The following B3GALT1 variants were observed in gnomAD, a reference collection of about 807,000 sequenced individuals.
The protein encoded by B3GALT1 is UDP-Gal:betaGlcNAc beta 1,3-galactosyltransferase, polypeptide 1.
Under a neutral mutation model 23.2 loss-of-function variants are expected in B3GALT1, and 10 were observed. The observed-to-expected ratio is 0.43, with a 90% CI of 0.27 to 0.73. The LOEUF is 0.73. Ranked by LOEUF, B3GALT1 falls within the 30% of genes least tolerant of loss-of-function variation. The pLI, the probability that B3GALT1 is intolerant of heterozygous loss-of-function variation, is 0.21. For synonymous variants in B3GALT1, 156 were observed against 141.5 expected, an observed-to-expected ratio of 1.10 and a Z score of -0.73; for missense variants, 299 against 405.4, an observed-to-expected ratio of 0.74 and a Z score of 2.25.
intron 1 of B3GALT1, among the ~76,000 whole-genome samples, chr2:167,447,275 G>T (rs146749137): frequency 0.012 from 1,805 of 152,288 alleles, 38 homozygotes; most frequent in African/African-American, 0.041. Flanking sequence ...GGCCCCTACT[G>T]GGGGGTGCCT....
chr2:167,855,081 C>T (rs1689973684), intron 4 of B3GALT1, among the ~76,000 whole-genome samples: 1 of 152,102 alleles, frequency 6.6e-6, no homozygotes, highest in Non-Finnish European at 1.5e-5. Flanking sequence ...ATTCTTCATC[C>T]TCTGTGCAGT....
intron 2 of B3GALT1, among the ~76,000 whole-genome samples, chr2:167,561,569 G>T (rs949825415): frequency 6.6e-6 from 1 of 151,716 alleles, no homozygotes; most frequent in African/African-American, 2.4e-5. Context: ...CAAGACTAAT[G>T]AAGAAAAAAA....
chr2:167,341,416 C>A (rs1358250301), intron 1 of B3GALT1, among the ~76,000 whole-genome samples: 1 of 152,186 alleles, frequency 6.6e-6, no homozygotes, highest in Admixed American at 6.5e-5. Context: ...AATCCCAGCA[C>A]TTTGGGAGGC....
At chr2:167,400,697 A>T (rs1328792509) in intron 1 of B3GALT1, among the ~76,000 whole-genome samples, 1 of 152,128 alleles carries the variant, frequency 6.6e-6, no homozygotes, top group South Asian at 2.1e-4. Context: ...TTCACTGCCA[A>T]TTCAGCGGGA....
chr2:167,798,577 T>G (rs1407086842), intron 3 of B3GALT1, among the ~76,000 whole-genome samples: 6 of 152,300 alleles, frequency 3.9e-5, no homozygotes, highest in African/African-American at 1.2e-4. Context: ...CTGGCTTAGT[T>G]GAAGATAGAT....
At chr2:167,308,687 T>G (rs929625166) in intron 1 of B3GALT1, among the ~76,000 whole-genome samples, 3 of 151,970 alleles carry the variant, frequency 2.0e-5, no homozygotes, top group Non-Finnish European at 2.9e-5. Flanking sequence ...AAAGGCTCAT[T>G]TCCTGTTAGC....
intron 3 of B3GALT1, among the ~76,000 whole-genome samples, chr2:167,814,234 G>A (rs1688946318): frequency 6.6e-6 from 1 of 152,148 alleles, no homozygotes; most frequent in South Asian, 2.1e-4. Context: ...TTGGGCTTTG[G>A]AGGTCATATC....
intron 1 of B3GALT1, among the ~76,000 whole-genome samples, chr2:167,431,633 A>T (rs1268970769): frequency 6.6e-6 from 1 of 152,208 alleles, no homozygotes; most frequent in Non-Finnish European, 1.5e-5. Flanking sequence ...TATTAAAAAT[A>T]TAAAATTGTC....
intron 2 of B3GALT1, among the ~76,000 whole-genome samples, chr2:167,533,737 A>G (rs1249638349): frequency 6.6e-6 from 1 of 152,136 alleles, no homozygotes; most frequent in African/African-American, 2.4e-5. Context: ...ACGTTTTACC[A>G]ATTTATTTGC....
intron 3 of B3GALT1, among the ~76,000 whole-genome samples, chr2:167,696,184 A>T (rs2105505617): frequency 6.6e-6 from 1 of 150,866 alleles, no homozygotes; most frequent in African/African-American, 2.4e-5. Flanking sequence ...CCTAACTTAC[A>T]TTCTGGAGTT....
chr2:167,483,957 A>G (rs1699591074), intron 1 of B3GALT1, among the ~76,000 whole-genome samples: 1 of 152,294 alleles, frequency 6.6e-6, no homozygotes, highest in African/African-American at 2.4e-5. Flanking sequence ...GCACACAACA[A>G]GCATCTTCAA....
intron 4 of B3GALT1, among the ~76,000 whole-genome samples, chr2:167,839,901 C>G (rs1021731648): frequency 5.3e-5 from 8 of 152,188 alleles, no homozygotes; most frequent in East Asian, 1.9e-4. Flanking sequence ...TGATCTTTGA[C>G]AAACCTGAGA....
At chr2:167,571,967 A>G (rs1684300854) in intron 2 of B3GALT1, among the ~76,000 whole-genome samples, 1 of 151,914 alleles carries the variant, frequency 6.6e-6, no homozygotes, top group South Asian at 2.1e-4. Context: ...ATCAAACAAA[A>G]AGATGCTATA....
At chr2:167,506,749 T>C (rs2105351246) in intron 2 of B3GALT1, among the ~76,000 whole-genome samples, 1 of 140,442 alleles carries the variant, frequency 7.1e-6, no homozygotes. Flanking sequence ...AAAATAATCA[T>C]GTTGCTTGGC....
At chr2:167,717,308 CTTTTAAGTTT>C (rs1687161860) in intron 3 of B3GALT1, among the ~76,000 whole-genome samples, 3 of 145,890 alleles carry the variant, frequency 2.1e-5, no homozygotes, top group Admixed American at 6.9e-5. Flanking sequence ...TTTTTTTATA[CTTTTAAGTTT>C]TAGGGTACAT....
chr2:167,833,435 G>A (rs773836745), intron 4 of B3GALT1, among the ~76,000 whole-genome samples: 2 of 152,144 alleles, frequency 1.3e-5, no homozygotes, highest in African/African-American at 2.4e-5. Flanking sequence ...GTCATACAGT[G>A]GGTATCTCAG....
At chr2:167,663,978 T>A (rs900507462) in intron 3 of B3GALT1, among the ~76,000 whole-genome samples, 1 of 151,364 alleles carries the variant, frequency 6.6e-6, no homozygotes, top group African/African-American at 2.4e-5. Context: ...AGATCCCATT[T>A]GTCAATTTTG....
intron 2 of B3GALT1, among the ~76,000 whole-genome samples, chr2:167,573,788 G>A (rs906337312): frequency 1.5e-4 from 23 of 151,566 alleles, no homozygotes; most frequent in African/African-American, 4.8e-5. Flanking sequence ...AAAAAAGTGT[G>A]CTTAGCATGA....
At chr2:167,675,142 A>G (rs1686401495) in intron 3 of B3GALT1, among the ~76,000 whole-genome samples, 1 of 152,166 alleles carries the variant, frequency 6.6e-6, no homozygotes, top group South Asian at 2.1e-4. Flanking sequence ...GGTGTGCTTT[A>G]TCATCCTCAA....
Sources: allele counts gnomAD v4.1 joint callset (sites outside exome capture counted in the v4.1 genomes callset), GRCh38; gene constraint gnomAD v4.1.1; transcripts MANE v1.5; gene names NCBI Gene and HGNC (gene_info 2026-07-23, HGNC 2026-07-21).